Variants in RPH3AL observed in about 807,000 individuals in gnomAD.
RPH3AL encodes rabphilin 3A like (without C2 domains), also known as rab effector Noc2.
RPH3AL carries 38 observed loss-of-function variants against 43.1 expected under a neutral mutation model. The observed-to-expected ratio is 0.88, with a 90% CI of 0.68 to 1.15. RPH3AL has a LOEUF of 1.15. Among genes scored for constraint, RPH3AL ranks in the 50% most tolerant of loss-of-function variants. RPH3AL has a pLI of 0.00. For missense variants in RPH3AL, 462 were observed against 423.2 expected (o/e 1.09, Z -0.81); for synonymous variants, 189 against 176.3 (o/e 1.07, Z -0.57).
chr17:267,778 A>T (rs1288081034), intron 6 of RPH3AL, among the ~76,000 whole-genome samples: 2 of 152,120 alleles, frequency 1.3e-5, no homozygotes, highest in Non-Finnish European at 1.5e-5. Context: ...TTTTCCCTGC[A>T]TTCTGGGAGA....
chr17:225,115 G>GGAA lies in RPH3AL; in HGVS notation c.614-5380_614-5379insTTC, dbSNP rs1203530257. ...GTACCCTAGAACTTAAAATATAATG[G>GGAA]AAAAAAAAAAAAAAAGAGTGATGAG... On this transcript the variant is annotated intron_variant, in intron 7 of 9. Coordinates refer to ENST00000331302, the MANE Select transcript of RPH3AL (RefSeq NM_006987.4). This position sits in a 1 kb window ranked among gnomAD's most constrained non-coding sequence, Gnocchi z 4.4. Among the ~76,000 whole-genome samples, 1 of 139,122 alleles carries GGAA rather than the reference G, an allele frequency of 7.2e-6. No homozygotes were observed. The highest frequency in any genetic ancestry group is 7.2e-5 in the Admixed American group (1 of 13,910). 91.3% of individuals were successfully genotyped at this position (139,122 alleles called of 152,430 possible). A position where few individuals can be genotyped will look rare whatever the true frequency, so the allele number is the denominator to read the frequency against.
chr17:273,022 A>AGACCCCAGCGAGGGTGATGTCAGGG (rs2042536368), intron 6 of RPH3AL, among the ~76,000 whole-genome samples: 1 of 60,514 alleles, frequency 1.7e-5, no homozygotes, highest in African/African-American at 6.7e-5. Context: ...CGACATCAGG[A>AGACCCCAGCGAGGGTGATGTCAGGG]AGAGACCCCA....
chr17:243,682 C>T (rs377511253), intron 7 of RPH3AL, among the ~76,000 whole-genome samples: 804 of 115,004 alleles, frequency 7.0e-3, no homozygotes, highest in African/African-American at 0.027. Flanking sequence ...CCTCTATTGA[C>T]TACCTTCCTC....
In RPH3AL at chr17:290,597, G is replaced by A; in HGVS notation, c.352-8743C>T. Among the ~76,000 whole-genome samples, 1 of 152,080 alleles carries A rather than the reference G, an allele frequency of 6.6e-6. No individual in the cohort carries two copies. Among genetic ancestry groups the A allele is most frequent in the Admixed American group, 6.5e-5 (1 of 15,270 alleles). Reference sequence around the variant, plus strand: ...GTCCCACCCCTTCTCCTTCCCAGATGGCACCCAAGAGTCACAATGCGACAG... The same window carrying A: ...GTCCCACCCCTTCTCCTTCCCAGATAGCACCCAAGAGTCACAATGCGACAG... On this transcript the variant is annotated intron_variant, in intron 5 of 9. Transcript: ENST00000331302. The surrounding 1 kb of genome is among the most constrained non-coding windows in gnomAD (Gnocchi z 4.2).
intron 6 of RPH3AL, among the ~76,000 whole-genome samples, chr17:270,064 C>A (rs751110886): frequency 2.0e-5 from 3 of 152,080 alleles, no homozygotes; most frequent in Non-Finnish European, 2.9e-5. Flanking sequence ...GCCACAGAGG[C>A]GTGGGAGGCG....
Position 309,398 on chromosome 17 carries a change from C to T in RPH3AL, c.351+10022G>A, listed in dbSNP as rs574404238. 3.3e-4 allele frequency among the ~76,000 whole-genome samples: 47 copies of T among 141,350 alleles called. 1 individual carries two copies. The highest frequency in any genetic ancestry group is 2.9e-3 in the Admixed American group (39 of 13,674). The allele number at this position is 141,350 out of a possible 152,430, so 92.7% of individuals were successfully genotyped here. On this transcript the variant is annotated intron_variant, in intron 5 of 9. Transcript: ENST00000331302. ...AGCCTTAGGAAAATGGCATGTACCC[C>T]GCCCTGCCCAGGGCTCCTGCCAGCC...
chr17:307,897 A>T (rs947447711), intron 5 of RPH3AL, among the ~76,000 whole-genome samples: 5 of 152,226 alleles, frequency 3.3e-5, no homozygotes, highest in African/African-American at 9.6e-5. Flanking sequence ...CCAGACTCTG[A>T]GCAAGGCAGA....
intron 3 of RPH3AL, among the ~76,000 whole-genome samples, chr17:325,598 C>T (rs533779869): frequency 6.8e-4 from 103 of 152,290 alleles, no homozygotes; most frequent in Non-Finnish European, 1.4e-3. Context: ...CCTCCTGATC[C>T]CCAGAGTAAG....
intron 4 of RPH3AL, 85 bp from the exon 5 acceptor site, chr17:319,634 A>C: frequency 6.6e-7 from 1 of 1,519,506 alleles, no homozygotes; most frequent in South Asian, 1.2e-5. Context: ...ACCATGCCAC[A>C]TGTGCTGTCC....
chr17:316,926 TC>T (rs2044252064), intron 5 of RPH3AL, among the ~76,000 whole-genome samples: 1 of 34,074 alleles, frequency 2.9e-5, no homozygotes, highest in African/African-American at 1.1e-4. Flanking sequence ...ACCTGTAGTC[TC>T]TGTGCTCCAC....
chr17:259,762 G>T (rs985733639), intron 6 of RPH3AL, among the ~76,000 whole-genome samples: 1 of 152,242 alleles, frequency 6.6e-6, no homozygotes, highest in Non-Finnish European at 1.5e-5. Context: ...ACCGCTGCTC[G>T]CCCTGCTCTG....
intron 6 of RPH3AL, among the ~76,000 whole-genome samples, chr17:249,676 CAAA>C (rs35942725): frequency 5.5e-5 from 5 of 90,456 alleles, no homozygotes; most frequent in African/African-American, 8.7e-5. Context: ...AGAGTCAAGC[CAAA>C]AAAAAAAAAA....
At chr17:340,548 C>T in intron 1 of RPH3AL, among the ~76,000 whole-genome samples, 15 of 1,440 alleles carry the variant, frequency 0.01, no homozygotes, top group Non-Finnish European at 0.023. Context: ...ACACTCACTG[C>T]CCCCCACCCA....
At chr17:273,068 C>CGACGTCAGGGTGAGACCCCAGCGCGGGT (rs2042543483) in intron 6 of RPH3AL, among the ~76,000 whole-genome samples, 1 of 53,552 alleles carries the variant, frequency 1.9e-5, no homozygotes, top group African/African-American at 5.7e-5. Context: ...CCAGCGAGGG[C>CGACGTCAGGGTGAGACCCCAGCGCGGGT]GACGTCAGGG....
rs923374302 is a variant in RPH3AL at position 290,145 on chromosome 17, C to T, written c.352-8291G>A. ...TCCCTCCCGGAACATGCCGACCTGC[C>T]GGGAAGACAAGCTGCACGGAGGCGT... On this transcript the variant is annotated intron_variant, in intron 5 of 9. Transcript: ENST00000331302. This position sits in a 1 kb window ranked among gnomAD's most constrained non-coding sequence, Gnocchi z 4.2. Among the ~76,000 whole-genome samples the T allele has an allele frequency of 4.6e-5, 7 of 152,240 alleles. No homozygotes were observed. The highest frequency in any genetic ancestry group is 3.8e-4 in the East Asian group (2 of 5,198).
At chr17:242,114 C>CAAAAAAAAAAAAAAAAAA (rs2041553954) in intron 7 of RPH3AL, among the ~76,000 whole-genome samples, 1 of 151,094 alleles carries the variant, frequency 6.6e-6, no homozygotes, top group African/African-American at 2.4e-5. Flanking sequence ...AAGACTGTCT[C>CAAAAAAAAAAAAAAAAAA]AATAAAAAAA....
chr17:269,131 G>A (rs2042400353), intron 6 of RPH3AL, among the ~76,000 whole-genome samples: 1 of 152,132 alleles, frequency 6.6e-6, no homozygotes, highest in Admixed American at 6.5e-5. Flanking sequence ...GCCCGCCTTG[G>A]CTTCCTAAAG....
intron 2 of RPH3AL, among the ~76,000 whole-genome samples, chr17:330,651 G>A (rs939146662): frequency 6.6e-6 from 1 of 152,166 alleles, no homozygotes; most frequent in Non-Finnish European, 1.5e-5. Flanking sequence ...TCAGGTGGGT[G>A]GATCCCTTGA....
chr17:242,175 C>A (rs1385589925), intron 7 of RPH3AL, among the ~76,000 whole-genome samples: 2 of 152,096 alleles, frequency 1.3e-5, no homozygotes, highest in Non-Finnish European at 2.9e-5. Flanking sequence ...AGGAACCCAC[C>A]TCAGAAACAT....
Sources: gnomAD v4.1 joint callset for allele counts (sites outside exome capture counted in the v4.1 genomes callset) on GRCh38, gnomAD v4.1.1 for gene constraint, Gnocchi (gnomAD v3.1) non-coding constraint, MANE v1.5 for transcripts, NCBI Gene and HGNC (gene_info 2026-07-23, HGNC 2026-07-21) for gene names.